ADI1: variants seen among roughly 807,000 people sequenced by gnomAD.
The protein encoded by ADI1 is acireductone dioxygenase 1.
In ADI1, 21 loss-of-function variants were observed where a neutral mutation model predicts 18.7. The ratio of observed to expected loss-of-function variants is 1.13; its 90% CI spans 0.80 to 1.62. The LOEUF (loss-of-function observed/expected upper bound fraction) is 1.62. Ranked by LOEUF, ADI1 falls within the 40% of genes most tolerant of loss-of-function variation. The pLI, the probability that ADI1 is intolerant of heterozygous loss-of-function variation, is 0.00. For missense variants in ADI1, 245 were observed against 254.9 expected (o/e 0.96, Z 0.26); for synonymous variants, 90 against 100.1 (o/e 0.90, Z 0.60).
At position 3,498,283 on chromosome 2, in the gene ADI1, T is replaced by C. The variant is rs555680676; in HGVS notation, c.*680A>G. 10 of 152,314 alleles carry C rather than the reference T, an allele frequency of 6.6e-5. No homozygotes were observed. In the South Asian group the frequency reaches 2.1e-3, roughly 32 times the overall value. 9.4% of individuals were successfully genotyped at this position (152,314 alleles called of 1,614,324 possible). On this transcript the variant is annotated 3_prime_UTR_variant, in exon 4 of 4. Transcript: ENST00000327435. ...ATACTCCTGTTAAAATTCAACAGCT[T>C]TATTGTGAAAGAATCCAGAGATCTC...
intron 3 of ADI1, chr2:3,500,500 C>A: frequency 1.4e-5 from 4 of 282,394 alleles, no homozygotes; most frequent in African/African-American, 1.1e-4. Context: ...AGGGCTGGGG[C>A]AGGGCCAGGC....
intron 2 of ADI1, among the ~76,000 whole-genome samples, chr2:3,513,133 T>C (rs908396582): frequency 1.3e-5 from 2 of 152,240 alleles, no homozygotes; most frequent in African/African-American, 4.8e-5. Context: ...CTAATGCCTT[T>C]ACCCGCTTTG....
At chr2:3,507,036 C>T (rs996320955) in intron 2 of ADI1, among the ~76,000 whole-genome samples, 2 of 151,998 alleles carry the variant, frequency 1.3e-5, no homozygotes, top group African/African-American at 2.4e-5. Flanking sequence ...TGTATTAGTC[C>T]GTTCTTATGC....
At chr2:3,503,392 C>A (rs1031759754) in intron 2 of ADI1, among the ~76,000 whole-genome samples, 2 of 151,532 alleles carry the variant, frequency 1.3e-5, no homozygotes, top group Non-Finnish European at 2.9e-5. Context: ...CGTACTCACA[C>A]GCACATTCAC....
At chr2:3,503,593 A>C (rs1667097713) in intron 2 of ADI1, among the ~76,000 whole-genome samples, 1 of 148,742 alleles carries the variant, frequency 6.7e-6, no homozygotes, top group Non-Finnish European at 1.5e-5. Context: ...CCGTCCACAG[A>C]AAGCACCTGA....
rs115172984 is a variant in ADI1, at chr2:3,515,936, T to C, written c.121-1960A>G. 3,787 of 985,420 alleles carry C rather than the reference T, an allele frequency of 3.8e-3. 105 individuals are homozygous for C. In the African/African-American group the frequency reaches 0.057, roughly 15 times the overall value. The allele number at this position is 985,420 out of a possible 1,614,324, so 61.0% of individuals were successfully genotyped here. On this transcript the variant is annotated intron_variant, in intron 1 of 3. Coordinates refer to ENST00000327435, the MANE Select transcript of ADI1 (RefSeq NM_018269.4). ...ATTAAAGTACTAGTCATCAATACGT[T>C]ATTTTCTACAAAGTTGACTCTAAAA...
At chr2:3,501,156 G>A (rs1430689375) in intron 2 of ADI1, among the ~76,000 whole-genome samples, 163 bp from the exon 3 acceptor site, 2 of 152,138 alleles carry the variant, frequency 1.3e-5, no homozygotes, top group African/African-American at 4.8e-5. Context: ...TTTCCTAACA[G>A]TACAAGGGCC....
At chr2:3,503,882 C>T (rs1667109200) in intron 2 of ADI1, among the ~76,000 whole-genome samples, 1 of 152,162 alleles carries the variant, frequency 6.6e-6, no homozygotes, top group Admixed American at 6.5e-5. Context: ...AGGCCTCCAG[C>T]CCCAGTGGAT....
At chr2:3,515,320 ATGTC>A (rs1374520447) in intron 1 of ADI1, 1 of 155,090 alleles carries the variant, frequency 6.4e-6, no homozygotes, top group Non-Finnish European at 1.4e-5. Flanking sequence ...TGCTCTGGGA[ATGTC>A]TGTCTTATGC....
At chr2:3,519,300 G>A (rs1411274245) in intron 1 of ADI1, 68 bp downstream of exon 1, 1 of 1,337,214 alleles carries the variant, frequency 7.5e-7, no homozygotes, top group Non-Finnish European at 9.5e-7. Context: ...CCTGGAGGAG[G>A]CTGGGCTGTG....
intron 2 of ADI1, among the ~76,000 whole-genome samples, chr2:3,512,590 A>C (rs1465781310): frequency 2.6e-5 from 4 of 152,234 alleles, no homozygotes; most frequent in Non-Finnish European, 5.9e-5. Flanking sequence ...TGTGTTATTA[A>C]GCCTGTGAGT....
chr2:3,509,970 C>T (rs192775297), intron 2 of ADI1, among the ~76,000 whole-genome samples: 33 of 152,056 alleles, frequency 2.2e-4, no homozygotes, highest in African/African-American at 7.0e-4. Context: ...ATGGAGAAAC[C>T]CCGTATCTAC....
intron 1 of ADI1, among the ~76,000 whole-genome samples, chr2:3,518,199 CCT>C (rs1389069628): frequency 6.6e-6 from 1 of 152,138 alleles, no homozygotes; most frequent in Non-Finnish European, 1.5e-5. Flanking sequence ...ACATGCATGC[CCT>C]GTTTCGCACT....
chr2:3,516,101 A>C (rs989216293), intron 1 of ADI1: 1 of 958,214 alleles, frequency 1.0e-6, no homozygotes, highest in Non-Finnish European at 1.2e-6. Context: ...GAAACTTAAC[A>C]CAAATGTGAT....
intron 1 of ADI1, chr2:3,514,685 G>A (rs371961689): frequency 3.4e-5 from 43 of 1,279,960 alleles, no homozygotes; most frequent in African/African-American, 9.0e-5. Flanking sequence ...CCTTCCTGAC[G>A]AAGCACTTCC....
intron 2 of ADI1, among the ~76,000 whole-genome samples, chr2:3,511,735 C>T (rs896340938): frequency 1.3e-5 from 2 of 152,100 alleles, no homozygotes; most frequent in African/African-American, 4.8e-5. Context: ...CAGAAGGAGA[C>T]AGGAAGATGA....
At chr2:3,502,336 T>A (rs757425319) in intron 2 of ADI1, among the ~76,000 whole-genome samples, 13 of 152,160 alleles carry the variant, frequency 8.5e-5, no homozygotes, top group Non-Finnish European at 1.2e-4. Flanking sequence ...CAGCCTACCT[T>A]GTTATGTGTT....
intron 1 of ADI1, chr2:3,514,880 G>A (rs1396093507): frequency 3.2e-6 from 5 of 1,542,984 alleles, no homozygotes; most frequent in Admixed American, 2.0e-5. Context: ...CATGGCAGAG[G>A]AACATAAGTT....
chr2:3,503,299 A>ACG (rs1667073723), intron 2 of ADI1, among the ~76,000 whole-genome samples: 1 of 135,274 alleles, frequency 7.4e-6, no homozygotes, highest in Non-Finnish European at 1.5e-5. Context: ...ACATGCACAC[A>ACG]TACACACTGA....
Sources: gnomAD v4.1 joint callset for allele counts (sites outside exome capture counted in the v4.1 genomes callset) on GRCh38, gnomAD v4.1.1 for gene constraint, MANE v1.5 for transcripts, NCBI Gene and HGNC (gene_info 2026-07-23, HGNC 2026-07-21) for gene names.